SULF1: variants seen among roughly 807,000 people sequenced by gnomAD.
SULF1 encodes the protein extracellular sulfatase Sulf-1.
SULF1 carries 46 observed loss-of-function variants against 110.5 expected under a neutral mutation model. The ratio of observed to expected loss-of-function variants is 0.42; its 90% CI spans 0.33 to 0.53. The LOEUF is 0.53. Among genes scored for constraint, SULF1 ranks in the 20% least tolerant of loss-of-function variants. The pLI is 0.12. For missense variants in SULF1, 941 were observed against 1,094.2 expected, an observed-to-expected ratio of 0.86 and a Z score of 1.98; for synonymous variants, 371 against 387.1, an observed-to-expected ratio of 0.96 and a Z score of 0.49.
chr8:69,592,946 A>T (rs1050307479), intron 8 of SULF1: 12 of 987,238 alleles, frequency 1.2e-5, no homozygotes, highest in African/African-American at 5.2e-5. Context: ...ACCAATCTGG[A>T]CTGTGTTATC....
chr8:69,575,391 A>T (rs1368061604), intron 5 of SULF1, among the ~76,000 whole-genome samples: 1 of 151,974 alleles, frequency 6.6e-6, no homozygotes, highest in African/African-American at 2.4e-5. Flanking sequence ...TTATCCTAAT[A>T]GAAAAACTGG....
chr8:69,537,922 GA>G (rs11407232), intron 3 of SULF1, among the ~76,000 whole-genome samples: 1 of 148,856 alleles, frequency 6.7e-6, no homozygotes, highest in African/African-American at 2.5e-5. Flanking sequence ...ATAGAAAATT[GA>G]AAAAAAAGTA....
At chr8:69,644,855 G>A (rs188460610) in intron 22 of SULF1, among the ~76,000 whole-genome samples, 1 of 151,990 alleles carries the variant, frequency 6.6e-6, no homozygotes, top group Non-Finnish European at 1.5e-5. Flanking sequence ...AACCTGCGCT[G>A]TCCTGATGTA....
chr8:69,632,320 A>G (rs963087841), intron 19 of SULF1, among the ~76,000 whole-genome samples: 3 of 152,192 alleles, frequency 2.0e-5, no homozygotes, highest in African/African-American at 7.2e-5. Context: ...AGCCACAGTA[A>G]AAAAATGCAC....
At chr8:69,624,786 G>A (rs1462096391) in intron 15 of SULF1, among the ~76,000 whole-genome samples, 4 of 152,192 alleles carry the variant, frequency 2.6e-5, no homozygotes, top group Non-Finnish European at 4.4e-5. Context: ...GACAGGGAAG[G>A]CAGATGATTC....
At chr8:69,480,054 T>C (rs1414667444) in intron 1 of SULF1, among the ~76,000 whole-genome samples, 1 of 152,116 alleles carries the variant, frequency 6.6e-6, no homozygotes, top group Non-Finnish European at 1.5e-5. Context: ...TCTGTTCTAA[T>C]TGAGATCACC....
At chr8:69,534,643 C>T (rs1813318106) in intron 3 of SULF1, among the ~76,000 whole-genome samples, 2 of 152,128 alleles carry the variant, frequency 1.3e-5, no homozygotes, top group Admixed American at 6.5e-5. Flanking sequence ...GTATCACAGA[C>T]TTCATTTCCT....
intron 8 of SULF1, among the ~76,000 whole-genome samples, chr8:69,593,925 C>T (rs1807092160): frequency 6.6e-6 from 1 of 152,160 alleles, no homozygotes; most frequent in Non-Finnish European, 1.5e-5. Flanking sequence ...CACCTGTGGA[C>T]AAAAGCCGTG....
chr8:69,582,802 C>T (rs144686484), intron 6 of SULF1, among the ~76,000 whole-genome samples: 56 of 152,184 alleles, frequency 3.7e-4, no homozygotes, highest in African/African-American at 1.3e-3. Context: ...GAAACAATCG[C>T]TTTTGAACGT....
At chr8:69,513,606 G>A (rs983702851) in intron 3 of SULF1, among the ~76,000 whole-genome samples, 8 of 152,186 alleles carry the variant, frequency 5.3e-5, no homozygotes, top group African/African-American at 1.9e-4. Context: ...ATAAGATATA[G>A]GCATCAGAAA....
chr8:69,503,882 C>T (rs1021217620), intron 3 of SULF1, among the ~76,000 whole-genome samples: 1 of 152,046 alleles, frequency 6.6e-6, no homozygotes, highest in African/African-American at 2.4e-5. Context: ...TCACTGCAAC[C>T]TCCGACCCCT....
chr8:69,516,560 G>C (rs1480193214), intron 3 of SULF1, among the ~76,000 whole-genome samples: 1 of 152,104 alleles, frequency 6.6e-6, no homozygotes. Flanking sequence ...CATACCTCTT[G>C]GATGAGAATT....
chr8:69,642,266 C>A, intron 22 of SULF1: 2 of 987,168 alleles, frequency 2.0e-6, no homozygotes, highest in Non-Finnish European at 2.4e-6. Flanking sequence ...CTCTAACCTC[C>A]AGAGCTATGG....
At position 69,658,771 on chromosome 8, in the gene SULF1, G is replaced by T. The variant is rs556348593; in HGVS notation, c.*236G>T. Reference sequence around the variant, plus strand: ...GTTCTTGGTTGTCTCTGCTGAGCACGCTGTGTCAATGGAGATGGCCTCTGC... The same window carrying T: ...GTTCTTGGTTGTCTCTGCTGAGCACTCTGTGTCAATGGAGATGGCCTCTGC... On this transcript the variant is annotated 3_prime_UTR_variant, in exon 23 of 23. Transcript: ENST00000402687. 2 of 649,062 alleles carry T rather than the reference G, an allele frequency of 3.1e-6. No individual in the cohort carries two copies. The highest frequency in any genetic ancestry group is 1.8e-5 in the African/African-American group (1 of 55,904). 40.2% of individuals were successfully genotyped at this position (649,062 alleles called of 1,614,324 possible). A position where few individuals can be genotyped will look rare whatever the true frequency, so the allele number is the denominator to read the frequency against.
At position 69,511,581 on chromosome 8, in the gene SULF1, A is replaced by T. The variant is rs572256996; in HGVS notation, c.-134+9613A>T. Among the ~76,000 whole-genome samples, 15 of 152,318 alleles carry T rather than the reference A, an allele frequency of 9.8e-5. 1 individual carries two copies. The South Asian group carries it at 3.1e-3, about 32-fold the overall frequency. ...AATTTTTTAGAGCCATTTTTGGTTC[A>T]CAGTAAGATTGAGAAGAAAGTACGG... On this transcript the variant is annotated intron_variant, in intron 3 of 22. Coordinates refer to ENST00000402687, the MANE Select transcript of SULF1 (RefSeq NM_001128205.2).
At chr8:69,534,312 G>A (rs966538385) in intron 3 of SULF1, among the ~76,000 whole-genome samples, 1 of 152,158 alleles carries the variant, frequency 6.6e-6, no homozygotes, top group African/African-American at 2.4e-5. Flanking sequence ...CATCTTTATA[G>A]TCAAATAGTT....
At chr8:69,568,368 T>C (rs1586425927) in intron 5 of SULF1, among the ~76,000 whole-genome samples, 2 of 152,204 alleles carry the variant, frequency 1.3e-5, no homozygotes, top group East Asian at 3.8e-4. Context: ...GGGAGGAAAG[T>C]ACTAGTTCAT....
intron 9 of SULF1, among the ~76,000 whole-genome samples, chr8:69,601,285 G>T (rs1480413168): frequency 6.6e-6 from 1 of 152,204 alleles, no homozygotes; most frequent in Non-Finnish European, 1.5e-5. Context: ...CTCAGAAGCA[G>T]CCTGTTTTTA....
chr8:69,575,603 G>A (rs1019569370), intron 5 of SULF1, among the ~76,000 whole-genome samples: 1 of 152,032 alleles, frequency 6.6e-6, no homozygotes, highest in Non-Finnish European at 1.5e-5. Context: ...CATTTGTGCT[G>A]GGCTGGGGGT....
Sources: allele counts gnomAD v4.1 joint callset (sites outside exome capture counted in the v4.1 genomes callset), GRCh38; gene constraint gnomAD v4.1.1; transcripts MANE v1.5; gene names NCBI Gene and HGNC (gene_info 2026-07-23, HGNC 2026-07-21).